The following EBF1 variants were observed in gnomAD, a reference collection of about 807,000 sequenced individuals.
EBF1 encodes the protein EBF transcription factor 1.
A neutral mutation model predicts 68.4 loss-of-function variants in EBF1; 10 were observed. The observed-to-expected ratio is 0.15, with a 90% CI of 0.09 to 0.25. The LOEUF (loss-of-function observed/expected upper bound fraction) is 0.25. Among genes scored for constraint, EBF1 ranks in the 10% least tolerant of loss-of-function variants. EBF1 has a pLI of 1.00. For synonymous variants in EBF1, 298 were observed against 299.8 expected (o/e 0.99, Z 0.06); for missense variants, 509 against 794.4 (o/e 0.64, Z 4.32).
chr5:158,784,807 G>T (rs936839812), intron 9 of EBF1, among the ~76,000 whole-genome samples: 1 of 152,132 alleles, frequency 6.6e-6, no homozygotes, highest in Non-Finnish European at 1.5e-5. Flanking sequence ...AGCCTAAAGT[G>T]GGCACTGGCA....
At chr5:159,027,878 A>G (rs1006134825) in intron 6 of EBF1, among the ~76,000 whole-genome samples, 2 of 152,188 alleles carry the variant, frequency 1.3e-5, no homozygotes, top group Admixed American at 6.5e-5. Flanking sequence ...AGTACATGCA[A>G]GTTTGTCACA....
intron 6 of EBF1, among the ~76,000 whole-genome samples, chr5:159,024,192 C>T (rs1767269919): frequency 6.6e-6 from 1 of 151,984 alleles, no homozygotes; most frequent in South Asian, 2.1e-4. Context: ...CTCAACAGAT[C>T]CAAGCAAAGA....
intron 6 of EBF1, among the ~76,000 whole-genome samples, chr5:159,010,674 A>C (rs1764474010): frequency 6.6e-6 from 1 of 152,232 alleles, no homozygotes; most frequent in Admixed American, 6.5e-5. Flanking sequence ...AGATGGCACC[A>C]TCAGAATTGT....
At chr5:158,704,713 T>A (rs1757495062) in intron 15 of EBF1, among the ~76,000 whole-genome samples, 1 of 152,082 alleles carries the variant, frequency 6.6e-6, no homozygotes, top group Non-Finnish European at 1.5e-5. Flanking sequence ...GGAAAACTTT[T>A]GTGGCTCAAG....
rs895114194 is a variant in EBF1, at chr5:158,698,821, TA to T, written c.*289del. ...AGACAAATGATTGCAGAATTAAGCT[TA>T]AAAAAAAAAAAGAAAAAGAAAAAGT... On this transcript the variant is annotated 3_prime_UTR_variant, in exon 16 of 16. Coordinates refer to ENST00000313708, the MANE Select transcript of EBF1 (RefSeq NM_024007.5). 15,023 of 245,788 alleles carry T rather than the reference TA, an allele frequency of 0.061. 14 individuals are homozygous for T. The highest frequency in any genetic ancestry group is 0.095 in the East Asian group (1,390 of 14,702). The allele number at this position is 245,788 out of a possible 1,614,324, so 15.2% of individuals were successfully genotyped here.
rs775836947 is a variant in EBF1 at position 158,696,919 on chromosome 5, C to G, written c.*2192G>C. 22 of 157,914 alleles carry G rather than the reference C, an allele frequency of 1.4e-4. No individual in the cohort carries two copies. The South Asian group carries it at 5.0e-3, about 36-fold the overall frequency. 9.8% of individuals were successfully genotyped at this position (157,914 alleles called of 1,614,324 possible). On this transcript the variant is annotated 3_prime_UTR_variant, in exon 16 of 16. Coordinates refer to ENST00000313708, the MANE Select transcript of EBF1 (RefSeq NM_024007.5). ...TTTGTTTTTTTTTTTTTCTTTTTTT[C>G]TTTTTCTTTTTTCTTAGAATGTTAG...
rs1758312348 is a variant in EBF1 at position 158,708,155 on chromosome 5, G to A, written c.1568C>T (p.Thr523Ile). ...SPYAIVPSSP[T>I]MASSTSLPSN... Reference sequence around the variant, plus strand: ...GGGGAGGCTTGTGGAGGAGGCCATGGTGGGGCTGGATGGCACTACTGAGAG... The same window carrying A: ...GGGGAGGCTTGTGGAGGAGGCCATGATGGGGCTGGATGGCACTACTGAGAG... The change falls in exon 15 of 16, where the codon ACC becomes ATC. Residue 523 changes from threonine to isoleucine, a missense_variant. Thr to Ile is a moderately conservative substitution (Grantham distance 89, BLOSUM62 -1). Coordinates refer to ENST00000313708, the MANE Select transcript of EBF1 (RefSeq NM_024007.5). The A allele has an allele frequency of 1.3e-6, 2 of 1,583,562 alleles. No homozygotes were observed. The highest frequency in any genetic ancestry group is 1.7e-6 in the Non-Finnish European group (2 of 1,164,290).
At chr5:158,772,970 T>C (rs1774198528) in intron 10 of EBF1, among the ~76,000 whole-genome samples, 1 of 152,146 alleles carries the variant, frequency 6.6e-6, no homozygotes. Context: ...CATCATATGA[T>C]GTCCCAAGGA....
At chr5:158,891,343 T>C (rs1033604867) in intron 6 of EBF1, among the ~76,000 whole-genome samples, 5 of 152,216 alleles carry the variant, frequency 3.3e-5, no homozygotes, top group Non-Finnish European at 5.9e-5. Flanking sequence ...TCCCTGTAAC[T>C]GTAGGAAGAA....
intron 9 of EBF1, among the ~76,000 whole-genome samples, chr5:158,786,033 G>A (rs150370608): frequency 4.9e-3 from 749 of 152,112 alleles, no homozygotes; most frequent in Non-Finnish European, 8.0e-3. Flanking sequence ...AATAAATATC[G>A]TGATGCCATT....
At chr5:158,844,228 C>A (rs1018847714) in intron 6 of EBF1, among the ~76,000 whole-genome samples, 2 of 133,308 alleles carry the variant, frequency 1.5e-5, no homozygotes, top group South Asian at 2.5e-4. Context: ...AAGGAGGTAA[C>A]GAGAAACTCG....
At chr5:158,867,413 A>G (rs1796118750) in intron 6 of EBF1, among the ~76,000 whole-genome samples, 1 of 152,208 alleles carries the variant, frequency 6.6e-6, no homozygotes, top group Non-Finnish European at 1.5e-5. Flanking sequence ...ATTTTCATCT[A>G]ACTCAAGGTT....
intron 7 of EBF1, among the ~76,000 whole-genome samples, chr5:158,824,548 C>T (rs537457208): frequency 1.3e-5 from 2 of 152,344 alleles, no homozygotes; most frequent in African/African-American, 2.4e-5. Context: ...GAAAGACTCT[C>T]GCTTTAATTG....
intron 2 of EBF1, chr5:159,096,629 G>A (rs941260585): frequency 3.2e-6 from 2 of 623,988 alleles, no homozygotes; most frequent in East Asian, 2.7e-5. Context: ...GCGCACACAG[G>A]CTATCCTCTT....
At chr5:158,777,645 G>A in intron 9 of EBF1, 106 bp from the exon 10 acceptor site, 1 of 1,193,906 alleles carries the variant, frequency 8.4e-7, no homozygotes, top group Non-Finnish European at 1.1e-6. Flanking sequence ...TAATTAACCT[G>A]TCTATGTTTA....
intron 6 of EBF1, among the ~76,000 whole-genome samples, chr5:158,861,963 C>CT (rs368070588): frequency 2.0e-5 from 3 of 152,052 alleles, no homozygotes; most frequent in South Asian, 4.1e-4. Context: ...ACACTATATC[C>CT]TTTTTTATGT....
At chr5:158,735,669 T>A (rs1429674178) in intron 10 of EBF1, among the ~76,000 whole-genome samples, 1 of 152,166 alleles carries the variant, frequency 6.6e-6, no homozygotes, top group East Asian at 1.9e-4. Context: ...TTGAACTGTA[T>A]CAACATTACT....
At chr5:158,851,347 G>A (rs1007077972) in intron 6 of EBF1, among the ~76,000 whole-genome samples, 1 of 134,390 alleles carries the variant, frequency 7.4e-6, no homozygotes, top group African/African-American at 2.8e-5. Flanking sequence ...AGAGTGAGAC[G>A]CTGTCAAGAA....
chr5:159,034,135 T>C (rs918810519), intron 6 of EBF1, among the ~76,000 whole-genome samples: 11 of 152,210 alleles, frequency 7.2e-5, no homozygotes, highest in African/African-American at 2.4e-4. Flanking sequence ...ATATTCAGCA[T>C]TGATTTTATT....
Sources: allele counts gnomAD v4.1 joint callset (sites outside exome capture counted in the v4.1 genomes callset), GRCh38; gene constraint gnomAD v4.1.1; transcripts MANE v1.5; gene names NCBI Gene and HGNC (gene_info 2026-07-23, HGNC 2026-07-21).